FRMD6: variants seen among roughly 807,000 people sequenced by gnomAD.
FRMD6 encodes the protein FERM domain containing 6.
Under a neutral mutation model 73.2 loss-of-function variants are expected in FRMD6, and 37 were observed. The observed-to-expected ratio is 0.51, with a 90% CI of 0.39 to 0.66. The LOEUF (loss-of-function observed/expected upper bound fraction) is 0.66. FRMD6 is among the 30% of genes least tolerant of loss of function. The pLI is 0.00. For synonymous variants in FRMD6, 273 were observed against 282.2 expected (o/e 0.97, Z 0.33); for missense variants, 714 against 780.5 (o/e 0.91, Z 1.02).
chr14:51,664,437 GAT>G (rs1421215119), intron 1 of FRMD6, among the ~76,000 whole-genome samples: 1 of 152,196 alleles, frequency 6.6e-6, no homozygotes, highest in Non-Finnish European at 1.5e-5. Context: ...ACAGGTGTCT[GAT>G]ACTAATTATC....
At chr14:51,668,050 C>CT (rs1335909144) in intron 1 of FRMD6, among the ~76,000 whole-genome samples, 3 of 152,220 alleles carry the variant, frequency 2.0e-5, no homozygotes, top group African/African-American at 4.8e-5. Flanking sequence ...TAATTACTGC[C>CT]TTACATATTC....
At chr14:51,467,335 G>A in the FRMD6 span, among the ~76,000 whole-genome samples, 5 of 152,216 alleles carry the variant, frequency 3.3e-5, no homozygotes, top group African/African-American at 9.7e-5. Context: ...TTCTTATTAC[G>A]GAACAAAATG....
intron 1 of FRMD6, among the ~76,000 whole-genome samples, chr14:51,687,879 A>G (rs756241448): frequency 6.6e-6 from 1 of 152,044 alleles, no homozygotes; most frequent in Non-Finnish European, 1.5e-5. Context: ...TATTTTTCCA[A>G]TGTATTATAT....
At chr14:51,506,673 C>A (rs559105355) in intron 1 of FRMD6, among the ~76,000 whole-genome samples, 5 of 152,142 alleles carry the variant, frequency 3.3e-5, no homozygotes, top group Non-Finnish European at 7.4e-5. Flanking sequence ...CCCAGCACTT[C>A]CATTTTAAAG....
At chr14:51,463,727 G>A in the FRMD6 span, among the ~76,000 whole-genome samples, 1 of 152,206 alleles carries the variant, frequency 6.6e-6, no homozygotes, top group Non-Finnish European at 1.5e-5. Flanking sequence ...AGGCCTTCAT[G>A]GAAGATGTAT....
intron 1 of FRMD6, among the ~76,000 whole-genome samples, chr14:51,667,981 G>A (rs567192336): frequency 6.6e-6 from 1 of 152,294 alleles, no homozygotes; most frequent in East Asian, 1.9e-4. Context: ...AAGTTGTAGA[G>A]TAAAACCTAG....
At chr14:51,413,207 C>T in the FRMD6 span, among the ~76,000 whole-genome samples, 11 of 152,018 alleles carry the variant, frequency 7.2e-5, no homozygotes, top group South Asian at 2.1e-4. Flanking sequence ...ATGTGCACAA[C>T]GTGCAGGTTT....
At chr14:51,594,784 T>C (rs1329434420) in intron 2 of FRMD6, among the ~76,000 whole-genome samples, 1 of 152,168 alleles carries the variant, frequency 6.6e-6, no homozygotes, top group Non-Finnish European at 1.5e-5. Flanking sequence ...GGTTAACCCT[T>C]GTCCACCCCA....
chr14:51,428,148 A>C, the FRMD6 span, among the ~76,000 whole-genome samples: 3 of 152,176 alleles, frequency 2.0e-5, no homozygotes, highest in Non-Finnish European at 4.4e-5. Context: ...TTTTCAAGTG[A>C]GTATTTTCCT....
At chr14:51,667,636 C>T (rs77503062) in intron 1 of FRMD6, among the ~76,000 whole-genome samples, 8,966 of 152,162 alleles carry the variant, frequency 0.059, 341 homozygotes, top group African/African-American at 0.11. Flanking sequence ...GAGGAACTCA[C>T]GTTACTTACA....
At chr14:51,557,967 T>TAAA (rs3060582) in intron 1 of FRMD6, among the ~76,000 whole-genome samples, 27 of 149,254 alleles carry the variant, frequency 1.8e-4, no homozygotes, top group South Asian at 1.5e-3. Flanking sequence ...AAATAAAAGT[T>TAAA]AAAAAAAAAA....
the FRMD6 span, among the ~76,000 whole-genome samples, chr14:51,430,499 A>G: frequency 6.6e-6 from 1 of 151,586 alleles, no homozygotes; most frequent in South Asian, 2.1e-4. Context: ...TGTTTTTTTT[A>G]ATTCCTTTAT....
intron 12 of FRMD6, among the ~76,000 whole-genome samples, chr14:51,724,889 C>T (rs1193704498): frequency 6.6e-6 from 1 of 152,162 alleles, no homozygotes; most frequent in African/African-American, 2.4e-5. Context: ...CTACTCAGTG[C>T]TTCACTCATA....
At chr14:51,680,104 T>C (rs10135937) in intron 1 of FRMD6, among the ~76,000 whole-genome samples, 152,063 of 152,324 alleles carry the variant, frequency 1, 75,904 homozygotes, top group Non-Finnish European at 1. Context: ...GCCATCCAAG[T>C]GAATCTTGTT....
chr14:51,723,906 T>C (rs1897789059), intron 12 of FRMD6, among the ~76,000 whole-genome samples: 1 of 152,084 alleles, frequency 6.6e-6, no homozygotes, highest in African/African-American at 2.4e-5. Context: ...ATAGTAAAAA[T>C]TATATAAAAT....
At chr14:51,418,487 G>A in the FRMD6 span, among the ~76,000 whole-genome samples, 1 of 152,188 alleles carries the variant, frequency 6.6e-6, no homozygotes, top group East Asian at 1.9e-4. Context: ...ACCAGTAGAG[G>A]CTGCAGAACA....
chr14:51,428,604 A>T, the FRMD6 span, among the ~76,000 whole-genome samples: 1 of 152,166 alleles, frequency 6.6e-6, no homozygotes, highest in East Asian at 1.9e-4. Flanking sequence ...TGAGATGAGA[A>T]TCTTGGGGGT....
intron 2 of FRMD6, among the ~76,000 whole-genome samples, chr14:51,582,154 C>T (rs1888762102): frequency 6.6e-6 from 1 of 152,276 alleles, no homozygotes; most frequent in South Asian, 2.1e-4. Flanking sequence ...TTTCTAATAG[C>T]TTGTCATACT....
chr14:51,572,900 A>G (rs533911288), intron 2 of FRMD6, among the ~76,000 whole-genome samples: 1 of 152,344 alleles, frequency 6.6e-6, no homozygotes, highest in South Asian at 2.1e-4. Flanking sequence ...AGAGGCTTAT[A>G]GACTCACTTG....
Sources: allele counts gnomAD v4.1 joint callset (sites outside exome capture counted in the v4.1 genomes callset), GRCh38; gene constraint gnomAD v4.1.1; transcripts MANE v1.5; gene names NCBI Gene and HGNC (gene_info 2026-07-23, HGNC 2026-07-21).